The following DOK5 variants were observed in gnomAD, a reference collection of about 807,000 sequenced individuals.
DOK5 encodes the protein downstream of tyrosine kinase 5.
DOK5 carries 27 observed loss-of-function variants against 43.3 expected under a neutral mutation model. That is an observed-to-expected ratio of 0.62 (90% CI 0.46 to 0.86). DOK5 has a LOEUF of 0.86. DOK5 is among the 40% of genes least tolerant of loss of function. DOK5 has a pLI of 0.00. For missense variants in DOK5, 373 were observed against 392.9 expected (o/e 0.95, Z 0.43); for synonymous variants, 146 against 140.1 (o/e 1.04, Z -0.30).
chr20:54,475,777 G>C lies in DOK5; in HGVS notation c.-170G>C, dbSNP rs1981394417. 1 of 782,854 alleles carries C rather than the reference G, an allele frequency of 1.3e-6. No homozygotes were observed. 48.5% of individuals were successfully genotyped at this position (782,854 alleles called of 1,614,324 possible). The stretch of plus-strand genomic sequence containing the variant: ...GGCCGCCCACTGTCAGGGTTGGGGG[G>C]ACAGAGAAAGTGATGTGCGCCTTCT... On this transcript the variant is annotated 5_prime_UTR_variant, in exon 1 of 8. Coordinates refer to ENST00000262593, the MANE Select transcript of DOK5 (RefSeq NM_018431.5). The surrounding 1 kb of genome is among the most constrained non-coding windows in gnomAD (Gnocchi z 4.2).
chr20:54,563,017 A>G (rs1984961113), intron 2 of DOK5, among the ~76,000 whole-genome samples: 2 of 152,230 alleles, frequency 1.3e-5, no homozygotes. Context: ...AAGAAGAGAC[A>G]CAGACCCACA....
At chr20:54,530,744 CT>C (rs575518160) in intron 1 of DOK5, among the ~76,000 whole-genome samples, 103 of 152,282 alleles carry the variant, frequency 6.8e-4, no homozygotes, top group Middle Eastern at 6.8e-3. Context: ...GCCTTTTCCC[CT>C]ATTAATCTGT....
intron 1 of DOK5, among the ~76,000 whole-genome samples, chr20:54,529,542 T>TAA (rs5841995): frequency 6.8e-6 from 1 of 148,124 alleles, no homozygotes; most frequent in African/African-American, 2.4e-5. Flanking sequence ...AGGGTGACTT[T>TAA]AAAAAAAAAA....
At chr20:54,645,077 G>A (rs1979343386) in intron 7 of DOK5, among the ~76,000 whole-genome samples, 1 of 135,188 alleles carries the variant, frequency 7.4e-6, no homozygotes, top group Non-Finnish European at 1.5e-5. Flanking sequence ...GCGCGATCTC[G>A]GCTCACTGCA....
intron 1 of DOK5, among the ~76,000 whole-genome samples, chr20:54,527,624 C>T (rs984132623): frequency 3.9e-5 from 6 of 152,152 alleles, no homozygotes; most frequent in Non-Finnish European, 7.3e-5. Flanking sequence ...GTAAAACTTA[C>T]TTCCCTGGGA....
intron 1 of DOK5, among the ~76,000 whole-genome samples, chr20:54,541,773 C>T (rs996177406): frequency 1.3e-5 from 2 of 152,050 alleles, no homozygotes; most frequent in Admixed American, 6.6e-5. Flanking sequence ...AAGGTCTGAC[C>T]GTGCTGACCC....
intron 6 of DOK5, among the ~76,000 whole-genome samples, chr20:54,616,514 G>C (rs1378439393): frequency 6.6e-6 from 1 of 152,096 alleles, no homozygotes; most frequent in Non-Finnish European, 1.5e-5. Context: ...TCTTTCTCTG[G>C]GACCTTGCTA....
chr20:54,550,606 C>A (rs545785865), intron 1 of DOK5, among the ~76,000 whole-genome samples: 1 of 152,178 alleles, frequency 6.6e-6, no homozygotes, highest in South Asian at 2.1e-4. Context: ...AATTTTGTGA[C>A]ATCAAGAATG....
At chr20:54,528,250 A>T (rs1440446596) in intron 1 of DOK5, among the ~76,000 whole-genome samples, 5 of 152,160 alleles carry the variant, frequency 3.3e-5, no homozygotes, top group Admixed American at 3.3e-4. Context: ...GTATAGATAA[A>T]TAGGAAGATA....
chr20:54,542,099 TACACACAC>T (rs59020714), intron 1 of DOK5, among the ~76,000 whole-genome samples: 25 of 122,058 alleles, frequency 2.0e-4, no homozygotes, highest in East Asian at 1.1e-3. Flanking sequence ...TATTATAAGA[TACACACAC>T]ACACACACAC....
chr20:54,558,934 A>G (rs1195585497), intron 2 of DOK5, among the ~76,000 whole-genome samples: 1 of 152,188 alleles, frequency 6.6e-6, no homozygotes, highest in Admixed American at 6.5e-5. Flanking sequence ...TCCTGCAAAA[A>G]TTGGAAAATA....
intron 1 of DOK5, among the ~76,000 whole-genome samples, chr20:54,551,161 C>T (rs1984517380): frequency 1.3e-5 from 2 of 152,188 alleles, no homozygotes; most frequent in African/African-American, 2.4e-5. Flanking sequence ...TGATATTGAA[C>T]ATGTTTTCAT....
At chr20:54,625,018 C>T (rs1222442687) in intron 6 of DOK5, among the ~76,000 whole-genome samples, 2 of 151,242 alleles carry the variant, frequency 1.3e-5, no homozygotes, top group South Asian at 2.1e-4. Flanking sequence ...TTTCTAACAT[C>T]GAGGAAGTAA....
At chr20:54,644,490 G>C (rs1044785822) in intron 7 of DOK5, among the ~76,000 whole-genome samples, 1 of 152,048 alleles carries the variant, frequency 6.6e-6, no homozygotes, top group East Asian at 1.9e-4. Flanking sequence ...GGATCATGAG[G>C]TCAGGAGATC....
In DOK5 at chr20:54,559,123, T is replaced by C. The variant is rs549457784; in HGVS notation, c.174+4083T>C. 8.7e-4 allele frequency among the ~76,000 whole-genome samples: 132 copies of C among 152,308 alleles called. 1 individual carries two copies. The highest frequency in any genetic ancestry group is 2.9e-5 in the Non-Finnish European group (2 of 68,020). On this transcript the variant is annotated intron_variant, in intron 2 of 7. Transcript: ENST00000262593. ...GTTTCTGACCTTGTTAAACACTAGT[T>C]CCATGTTTTCCTTCAGGAAATAATG...
rs759706660 is a variant in DOK5, at chr20:54,493,665, G to A, written c.66+17653G>A. On this transcript the variant is annotated intron_variant, in intron 1 of 7. Coordinates refer to ENST00000262593, the MANE Select transcript of DOK5 (RefSeq NM_018431.5). The stretch of plus-strand genomic sequence containing the variant: ...ACAGATATTTTTCTAGGCTGAATGC[G>A]GTGGCTCAGTCCTGTAATCCCAGCA... Among the ~76,000 whole-genome samples the A allele has an allele frequency of 1.9e-4, 29 of 152,274 alleles. 2 individuals are homozygous for A. Among genetic ancestry groups the A allele is most frequent in the Admixed American group, 1.6e-3 (25 of 15,298 alleles).
At chr20:54,516,229 TG>T (rs1983192327) in intron 1 of DOK5, among the ~76,000 whole-genome samples, 1 of 152,142 alleles carries the variant, frequency 6.6e-6, no homozygotes, top group East Asian at 1.9e-4. Context: ...GAGAAATCAT[TG>T]TCAGCTACAG....
At chr20:54,482,351 A>G (rs1981752747) in intron 1 of DOK5, among the ~76,000 whole-genome samples, 1 of 152,124 alleles carries the variant, frequency 6.6e-6, no homozygotes, top group African/African-American at 2.4e-5. Context: ...TTATAGTTTC[A>G]CCTGACCTGG....
intron 6 of DOK5, among the ~76,000 whole-genome samples, chr20:54,625,323 C>T (rs945064111): frequency 2.0e-5 from 3 of 152,174 alleles, no homozygotes; most frequent in African/African-American, 7.2e-5. Flanking sequence ...GGTCCAAGGG[C>T]CTCATAGAGG....
Sources: gnomAD v4.1 joint callset for allele counts (sites outside exome capture counted in the v4.1 genomes callset) on GRCh38, gnomAD v4.1.1 for gene constraint, Gnocchi (gnomAD v3.1) non-coding constraint, MANE v1.5 for transcripts, NCBI Gene and HGNC (gene_info 2026-07-23, HGNC 2026-07-21) for gene names.